Variants in KANK1 observed in about 807,000 individuals in gnomAD.
The protein encoded by KANK1 is KN motif and ankyrin repeat domain-containing protein 1.
Under a neutral mutation model 106.2 loss-of-function variants are expected in KANK1, and 109 were observed. The observed-to-expected ratio is 1.03, with a 90% CI of 0.88 to 1.20. KANK1 has a LOEUF of 1.20. Ranked by LOEUF, KANK1 falls within the 50% of genes most tolerant of loss-of-function variation. The probability of loss-of-function intolerance (pLI) is 0.00; values close to 1 mark genes in which losing one functional copy is unlikely to be tolerated. For missense variants in KANK1, 2,399 were observed against 1,710.7 expected (o/e 1.40, Z -7.10); for synonymous variants, 873 against 652.2 (o/e 1.34, Z -5.16).
chr9:531,592 G>C (rs1363566628), intron 1 of KANK1, among the ~76,000 whole-genome samples: 1 of 152,214 alleles, frequency 6.6e-6, no homozygotes, highest in Non-Finnish European at 1.5e-5. Flanking sequence ...TGGGGACTCT[G>C]TCATTTGAGA....
At chr9:642,908 G>C (rs1408016049) in intron 1 of KANK1, among the ~76,000 whole-genome samples, 1 of 150,274 alleles carries the variant, frequency 6.7e-6, no homozygotes, top group Non-Finnish European at 1.5e-5. Context: ...AATGGCAATG[G>C]TAAGTATGCT....
rs183191060 is a variant in KANK1, at chr9:588,739, G to A, written c.-84+83985G>A. 4.7e-4 allele frequency among the ~76,000 whole-genome samples: 71 copies of A among 152,198 alleles called. No individual in the cohort carries two copies. The East Asian group carries it at 9.6e-3, about 21-fold the overall frequency. Reference sequence around the variant, plus strand: ...CACTAACAGAATCGGATAGGGCACGGACTGTAGAGTTAGATGCCTGGGTTC... The same window carrying A: ...CACTAACAGAATCGGATAGGGCACGAACTGTAGAGTTAGATGCCTGGGTTC... On this transcript the variant is annotated intron_variant, in intron 1 of 11. Transcript: ENST00000382297.
intron 1 of KANK1, among the ~76,000 whole-genome samples, chr9:617,200 T>C (rs1832054244): frequency 6.6e-6 from 1 of 152,174 alleles, no homozygotes; most frequent in Non-Finnish European, 1.5e-5. Flanking sequence ...CTTAATGTTA[T>C]TTTACTGAGT....
In KANK1 at chr9:676,981, C is replaced by T. The variant is rs144137079; in HGVS notation, c.9C>T (p.His3=). MA[H]TTKVNGSASG... ...ATTGGACTCAAGCCAGCATGGCTCA[C>T]ACCACAAAGGTTAACGGCAGTGCCT... Residue 3 remains histidine (H), a synonymous_variant, in exon 2 of 12, where the codon CAC becomes CAT. Coordinates refer to ENST00000382297, the MANE Select transcript of KANK1 (RefSeq NM_015158.5). 4.3e-5 allele frequency: 70 copies of T among 1,613,688 alleles called. No individual in the cohort carries two copies. In the African/African-American group the frequency reaches 8.5e-4, roughly 20 times the overall value.
intron 3 of KANK1, among the ~76,000 whole-genome samples, chr9:718,884 A>G (rs947015208): frequency 6.6e-6 from 1 of 151,674 alleles, no homozygotes; most frequent in African/African-American, 2.4e-5. Flanking sequence ...ATGGTCCTTC[A>G]TGAATAATCT....
chr9:733,853 C>T (rs761752676), intron 6 of KANK1: 1 of 152,078 alleles, frequency 6.6e-6, no homozygotes, highest in African/African-American at 2.4e-5. Context: ...TGGCTCACAC[C>T]CATAATGCCA....
At chr9:720,369 A>T (rs942004384) in intron 3 of KANK1, among the ~76,000 whole-genome samples, 1 of 152,134 alleles carries the variant, frequency 6.6e-6, no homozygotes, top group African/African-American at 2.4e-5. Flanking sequence ...TGTTGAGACA[A>T]GGTCTCACTC....
At position 689,947 on chromosome 9, in the gene KANK1, A is replaced by G. The variant is rs1017575088; in HGVS notation, c.37+12938A>G. ...GTGGGAGGAATGTGAGATTGTTTTGATTGTTGTCCTTGGGTTTTGTTGTTG... is the reference window on the plus strand; with the variant it reads ...GTGGGAGGAATGTGAGATTGTTTTGGTTGTTGTCCTTGGGTTTTGTTGTTG... On this transcript the variant is annotated intron_variant, in intron 2 of 11. Transcript: ENST00000382297. 2.2e-4 allele frequency among the ~76,000 whole-genome samples: 34 copies of G among 151,808 alleles called. 1 individual carries two copies. Among genetic ancestry groups the G allele is most frequent in the Admixed American group, 2.0e-3 (30 of 15,250 alleles).
At chr9:691,990 A>T (rs1820057981) in intron 2 of KANK1, among the ~76,000 whole-genome samples, 1 of 152,106 alleles carries the variant, frequency 6.6e-6, no homozygotes, top group Non-Finnish European at 1.5e-5. Context: ...GTTGAACAAG[A>T]TTTACTGAAT....
intron 1 of KANK1, among the ~76,000 whole-genome samples, chr9:584,609 T>C (rs1822994932): frequency 1.3e-5 from 2 of 152,216 alleles, no homozygotes; most frequent in Admixed American, 1.3e-4. Flanking sequence ...AGAAGAAGAA[T>C]ATAACTTAGC....
chr9:525,607 G>A (rs538444799), intron 1 of KANK1, among the ~76,000 whole-genome samples: 4 of 151,608 alleles, frequency 2.6e-5, no homozygotes, highest in South Asian at 4.1e-4. Context: ...TCTCGAACTC[G>A]TGGCCTCAAG....
At chr9:598,615 G>GTTTTTTTT (rs1306483082) in intron 1 of KANK1, among the ~76,000 whole-genome samples, 7 of 73,328 alleles carry the variant, frequency 9.5e-5, no homozygotes, top group East Asian at 8.7e-4. Context: ...TGTTTTGTTG[G>GTTTTTTTT]TTTTCTTTTT....
At chr9:567,809 A>T (rs923505946) in intron 1 of KANK1, among the ~76,000 whole-genome samples, 1 of 152,206 alleles carries the variant, frequency 6.6e-6, no homozygotes, top group Admixed American at 6.5e-5. Context: ...GCTTATCAGA[A>T]TTAGAGTCTC....
chr9:654,243 G>C (rs1055409424), intron 1 of KANK1, among the ~76,000 whole-genome samples: 1 of 152,208 alleles, frequency 6.6e-6, no homozygotes, highest in African/African-American at 2.4e-5. Flanking sequence ...AGGTGATGCT[G>C]ACATCACTGG....
At position 691,611 on chromosome 9, in the gene KANK1, A is replaced by ATTTTTTTTTTTTTTTTTTTTT. The variant is rs767618077; in HGVS notation, c.37+14621_37+14622insTTTTTTTTTTTTTTTTTTTTT. Among the ~76,000 whole-genome samples, 17 of 71,072 alleles carry ATTTTTTTTTTTTTTTTTTTTT rather than the reference A, an allele frequency of 2.4e-4. 2 individuals carry two copies. The highest frequency in any genetic ancestry group is 7.9e-4 in the African/African-American group (17 of 21,620). 46.6% of individuals were successfully genotyped at this position (71,072 alleles called of 152,430 possible). The stretch of plus-strand genomic sequence containing the variant: ...AATAATGTAACTAAATAATACCAGA[A>ATTTTTTTTTTTTTTTTTTTTT]TTTTTTTTTTTTTTTTTTTGAGACC... On this transcript the variant is annotated intron_variant, in intron 2 of 11. Coordinates refer to ENST00000382297, the MANE Select transcript of KANK1 (RefSeq NM_015158.5).
chr9:664,248 G>T (rs1367528227), intron 1 of KANK1, among the ~76,000 whole-genome samples: 2 of 151,982 alleles, frequency 1.3e-5, no homozygotes, highest in Non-Finnish European at 2.9e-5. Flanking sequence ...CCAGCCTCCG[G>T]TAACCACTAG....
intron 1 of KANK1, among the ~76,000 whole-genome samples, chr9:506,144 A>T (rs1003958236): frequency 6.6e-6 from 1 of 152,192 alleles, no homozygotes; most frequent in African/African-American, 2.4e-5. Flanking sequence ...AAGAACCCCT[A>T]TACCGATTAG....
At chr9:581,711 C>G (rs765526924) in intron 1 of KANK1, among the ~76,000 whole-genome samples, 1 of 152,160 alleles carries the variant, frequency 6.6e-6, no homozygotes, top group Non-Finnish European at 1.5e-5. Context: ...TATCACCCTC[C>G]CAGAGTTGTG....
chr9:633,049 C>G (rs757564627), intron 1 of KANK1, among the ~76,000 whole-genome samples: 14 of 152,140 alleles, frequency 9.2e-5, no homozygotes, highest in Admixed American at 1.3e-4. Flanking sequence ...CCCCCTCCCT[C>G]CACATCTTAT....
Sources: allele counts gnomAD v4.1 joint callset (sites outside exome capture counted in the v4.1 genomes callset), GRCh38; gene constraint gnomAD v4.1.1; transcripts MANE v1.5; gene names NCBI Gene and HGNC (gene_info 2026-07-23, HGNC 2026-07-21).